Variants in GPHN observed in about 807,000 individuals in gnomAD.
GPHN encodes the protein gephyrin.
A neutral mutation model predicts 95.5 loss-of-function variants in GPHN; 17 were observed. The ratio of observed to expected loss-of-function variants is 0.18; its 90% CI spans 0.12 to 0.27. GPHN has a LOEUF of 0.27. GPHN is among the 10% of genes least tolerant of loss of function. The probability of loss-of-function intolerance (pLI) is 1.00; values close to 1 mark genes in which losing one functional copy is unlikely to be tolerated. For synonymous variants in GPHN, 320 were observed against 322.5 expected, an observed-to-expected ratio of 0.99 and a Z score of 0.08; for missense variants, 660 against 978.1, an observed-to-expected ratio of 0.67 and a Z score of 4.34.
At chr14:67,564,003 G>A in the GPHN span, among the ~76,000 whole-genome samples, 4 of 150,634 alleles carry the variant, frequency 2.7e-5, no homozygotes, top group Non-Finnish European at 5.9e-5. Context: ...CCAGTTTCAC[G>A]CCATTTTCCT....
At chr14:67,575,405 ACT>A in the GPHN span, 1 of 1,605,942 alleles carries the variant, frequency 6.2e-7, no homozygotes, top group South Asian at 1.1e-5. Context: ...AAGCATGGCC[ACT>A]CCAAGGTGGT....
rs930632898 is a variant in GPHN, at chr14:67,059,121, T to G, written c.1144+335T>G. On this transcript the variant is annotated intron_variant, in intron 11 of 22. Coordinates refer to ENST00000478722, the MANE Select transcript of GPHN (RefSeq NM_020806.5). ...CTCAGCACTGAGTGAGGAAAGTAGTTAACTCTGAGTCTGTATGATGTCCTT... is the reference window on the plus strand; with the variant it reads ...CTCAGCACTGAGTGAGGAAAGTAGTGAACTCTGAGTCTGTATGATGTCCTT... 24 of 383,600 alleles carry G rather than the reference T, an allele frequency of 6.3e-5. No individual in the cohort carries two copies. In the East Asian group the frequency reaches 9.9e-4, roughly 16 times the overall value. The allele number at this position is 383,600 out of a possible 1,614,324, so 23.8% of individuals were successfully genotyped here. A position where few individuals can be genotyped will look rare whatever the true frequency, so the allele number is the denominator to read the frequency against.
chr14:67,385,636 T>C, the GPHN span: 21 of 150,534 alleles, frequency 1.4e-4, no homozygotes, highest in Admixed American at 1.2e-3. Context: ...GGAAGAAATA[T>C]GAATATTCAA....
intron 1 of GPHN, among the ~76,000 whole-genome samples, chr14:66,636,422 A>C (rs17182773): frequency 0.058 from 8,825 of 152,208 alleles, 353 homozygotes; most frequent in Middle Eastern, 0.099. Context: ...AGTTAATGTG[A>C]TTACAAAGAT....
At position 66,791,807 on chromosome 14, in the gene GPHN, T is replaced by C. The variant is rs1595912922; in HGVS notation, c.201+15286T>C. ...TATCTTGTGCTGACCCCCTAGCTCA[T>C]CCTGTGAGTAAGTGTATTAGTCCAT... On this transcript the variant is annotated intron_variant, in intron 3 of 22. Transcript: ENST00000478722. Among the ~76,000 whole-genome samples, 3 of 152,328 alleles carry C rather than the reference T, an allele frequency of 2.0e-5. No individual in the cohort carries two copies. The East Asian group carries it at 5.8e-4, about 29-fold the overall frequency.
Position 66,578,588 on chromosome 14 carries a change from C to T in GPHN, c.64+69997C>T, listed in dbSNP as rs183462418. On this transcript the variant is annotated intron_variant, in intron 1 of 22. Transcript: ENST00000478722. ...CAAGAGAAAAGAAGCAAATCTCATACGAGAGAACTCCATTATGGCTATCAT... is the reference window on the plus strand; with the variant it reads ...CAAGAGAAAAGAAGCAAATCTCATATGAGAGAACTCCATTATGGCTATCAT... Among the ~76,000 whole-genome samples, 485 of 137,556 alleles carry T rather than the reference C, an allele frequency of 3.5e-3. 4 individuals carry two copies. Among genetic ancestry groups the T allele is most frequent in the Admixed American group, 4.7e-3 (57 of 12,184 alleles). 90.2% of individuals were successfully genotyped at this position (137,556 alleles called of 152,430 possible).
chr14:67,384,270 ATTT>A, the GPHN span: 18 of 151,856 alleles, frequency 1.2e-4, no homozygotes, highest in African/African-American at 4.1e-4. Flanking sequence ...ATATCACCCA[ATTT>A]TTTATTTTTA....
chr14:67,568,270 A>G, the GPHN span, among the ~76,000 whole-genome samples: 10 of 152,228 alleles, frequency 6.6e-5, no homozygotes, highest in Non-Finnish European at 1.3e-4. Flanking sequence ...AGCCATAAAC[A>G]GGAATGAGGT....
chr14:67,037,494 A>G (rs2074480572), intron 10 of GPHN, among the ~76,000 whole-genome samples: 1 of 152,046 alleles, frequency 6.6e-6, no homozygotes, highest in Non-Finnish European at 1.5e-5. Context: ...GGAAACAATC[A>G]GCAGAGTAAA....
At chr14:66,521,236 TG>T (rs2058473520) in intron 1 of GPHN, among the ~76,000 whole-genome samples, 2 of 152,138 alleles carry the variant, frequency 1.3e-5, no homozygotes, top group African/African-American at 4.8e-5. Context: ...ATGGAATTGC[TG>T]GGTTAAATGG....
chr14:67,000,459 A>G (rs181120367), intron 9 of GPHN, among the ~76,000 whole-genome samples: 1 of 151,878 alleles, frequency 6.6e-6, no homozygotes, highest in East Asian at 1.9e-4. Context: ...TAATCACCTA[A>G]GATGTTCTAC....
intron 2 of GPHN, among the ~76,000 whole-genome samples, chr14:66,748,689 A>G (rs542205799): frequency 1.2e-3 from 175 of 151,962 alleles, no homozygotes; most frequent in Non-Finnish European, 1.7e-3. Context: ...ATATGTGTAT[A>G]TATGTAGTGA....
the GPHN span, among the ~76,000 whole-genome samples, chr14:67,549,663 T>C: frequency 6.6e-6 from 1 of 152,170 alleles, no homozygotes; most frequent in Non-Finnish European, 1.5e-5. Context: ...ATGAGTTCTG[T>C]AGTGCTCGTG....
the GPHN span, among the ~76,000 whole-genome samples, chr14:67,568,320 T>C: frequency 6.6e-6 from 1 of 151,944 alleles, no homozygotes; most frequent in South Asian, 2.1e-4. Context: ...TGGAAGCCAT[T>C]ATCTTCAGCA....
chr14:66,690,518 A>G (rs564641488), intron 2 of GPHN, among the ~76,000 whole-genome samples: 83 of 152,138 alleles, frequency 5.5e-4, no homozygotes, highest in African/African-American at 1.7e-3. Flanking sequence ...TTTGGGTGAT[A>G]TTTTCTCTAA....
intron 12 of GPHN, among the ~76,000 whole-genome samples, chr14:67,094,432 A>G (rs1243960620): frequency 6.6e-6 from 1 of 152,180 alleles, no homozygotes; most frequent in Non-Finnish European, 1.5e-5. Flanking sequence ...ATTAAATTCT[A>G]CAGTTGCAAA....
chr14:66,568,013 A>G (rs916966857), intron 1 of GPHN, among the ~76,000 whole-genome samples: 2 of 152,226 alleles, frequency 1.3e-5, no homozygotes, highest in African/African-American at 4.8e-5. Context: ...TTATAAGTGC[A>G]CATTCAAAAC....
chr14:66,790,290 A>C (rs1340133721), intron 3 of GPHN, among the ~76,000 whole-genome samples: 1 of 152,148 alleles, frequency 6.6e-6, no homozygotes, highest in Non-Finnish European at 1.5e-5. Flanking sequence ...AGGAGAGGTG[A>C]ATCAACAAAT....
chr14:67,436,170 G>GA, the GPHN span, among the ~76,000 whole-genome samples: 1 of 152,206 alleles, frequency 6.6e-6, no homozygotes, highest in African/African-American at 2.4e-5. Context: ...CAGTATCTGT[G>GA]AATGTCACAG....
Sources: allele counts gnomAD v4.1 joint callset (sites outside exome capture counted in the v4.1 genomes callset), GRCh38; gene constraint gnomAD v4.1.1; transcripts MANE v1.5; gene names NCBI Gene and HGNC (gene_info 2026-07-23, HGNC 2026-07-21).